Variants in ZNF571 observed in about 807,000 individuals in gnomAD.
The protein encoded by ZNF571 is zinc finger protein 571.
ZNF571 carries 4 observed loss-of-function variants against 7.7 expected under a neutral mutation model. That is an observed-to-expected ratio of 0.52 (90% CI 0.25 to 1.18). The LOEUF (loss-of-function observed/expected upper bound fraction) is 1.18. ZNF571 is among the 50% of genes most tolerant of loss of function. The probability of loss-of-function intolerance (pLI) is 0.14; values close to 1 mark genes in which losing one functional copy is unlikely to be tolerated. For missense variants in ZNF571, 704 were observed against 726.9 expected, an observed-to-expected ratio of 0.97 and a Z score of 0.36; for synonymous variants, 251 against 232.4, an observed-to-expected ratio of 1.08 and a Z score of -0.73.
chr19:37,565,333 A>G lies in ZNF571; in HGVS notation c.1095T>C (p.Cys365=). The change falls in exon 4 of 4, where the codon TGT becomes TGC. Residue 365 remains cysteine, a synonymous_variant. Transcript: ENST00000451802. Reference sequence around the variant, plus strand: ...GAAAAAAGGTCTTCCCGCATTCTTTACATTCATAGGGTTTCTCTCCTGTAT... The same window carrying G: ...GAAAAAAGGTCTTCCCGCATTCTTTGCATTCATAGGGTTTCTCTCCTGTAT... ...RIHTGEKPYE[C]KECGKTFFRG... The G allele has an allele frequency of 6.2e-7, 1 of 1,612,830 alleles. No individual in the cohort carries two copies. The highest frequency in any genetic ancestry group is 8.5e-7 in the Non-Finnish European group (1 of 1,179,474).
chr19:37,571,032 C>G (rs911135881), intron 3 of ZNF571, among the ~76,000 whole-genome samples: 1 of 152,116 alleles, frequency 6.6e-6, no homozygotes, highest in Admixed American at 6.5e-5. Flanking sequence ...ATAATTATAA[C>G]AAATTCTATT....
chr19:37,577,906 G>GT (rs889501404), intron 3 of ZNF571, among the ~76,000 whole-genome samples: 5 of 152,196 alleles, frequency 3.3e-5, no homozygotes, highest in African/African-American at 1.2e-4. Flanking sequence ...AGACCGTACT[G>GT]TTTGGCAGCC....
intron 3 of ZNF571, among the ~76,000 whole-genome samples, chr19:37,574,426 ATTT>A (rs899396780): frequency 6.6e-6 from 1 of 152,110 alleles, no homozygotes; most frequent in African/African-American, 2.4e-5. Flanking sequence ...TTTTCACTAA[ATTT>A]TTTTATCTCC....
intron 3 of ZNF571, among the ~76,000 whole-genome samples, chr19:37,570,862 C>T (rs564777644): frequency 1.0e-3 from 153 of 152,180 alleles, no homozygotes; most frequent in African/African-American, 3.5e-3. Context: ...TTTATATCCT[C>T]CATCTTTGAT....
chr19:37,586,626 C>G (rs1568358498), intron 2 of ZNF571, 42 bp downstream of exon 2: 6 of 1,612,704 alleles, frequency 3.7e-6, no homozygotes, highest in Non-Finnish European at 5.1e-6. Context: ...CATTACACAA[C>G]AAAATGATTG....
intron 3 of ZNF571, among the ~76,000 whole-genome samples, chr19:37,581,525 G>A (rs2043464516): frequency 6.6e-6 from 1 of 150,670 alleles, no homozygotes; most frequent in African/African-American, 2.4e-5. Flanking sequence ...AAATGCAGTG[G>A]CGTGATCATG....
intron 1 of ZNF571, among the ~76,000 whole-genome samples, chr19:37,589,761 G>C (rs2043807980): frequency 6.7e-6 from 1 of 149,604 alleles, no homozygotes; most frequent in Admixed American, 6.8e-5. Flanking sequence ...AGCTACTTGG[G>C]AGGCTGAGGC....
intron 1 of ZNF571, among the ~76,000 whole-genome samples, chr19:37,590,689 T>C (rs1257219865): frequency 6.6e-6 from 1 of 152,146 alleles, no homozygotes; most frequent in East Asian, 1.9e-4. Flanking sequence ...AACTGGTAAA[T>C]ATGTAAGGAC....
intron 3 of ZNF571, 44 bp from the exon 4 acceptor site, chr19:37,566,335 G>C: frequency 6.5e-7 from 1 of 1,545,990 alleles, no homozygotes; most frequent in Non-Finnish European, 8.7e-7. Flanking sequence ...TGTTTACAAG[G>C]AGAAATAAAA....
intron 3 of ZNF571, 143 bp downstream of exon 3, chr19:37,583,828 T>C: frequency 1.3e-6 from 1 of 774,522 alleles, no homozygotes; most frequent in Non-Finnish European, 2.1e-6. Flanking sequence ...GGATAAGAGA[T>C]AAAAAGGTAC....
chr19:37,583,423 G>C (rs1018762884), intron 3 of ZNF571: 5 of 152,300 alleles, frequency 3.3e-5, no homozygotes, highest in African/African-American at 1.2e-4. Context: ...ATGGGAGTTG[G>C]GAGGGAGGTT....
intron 3 of ZNF571, 36 bp downstream of exon 3, chr19:37,583,935 G>C (rs1317971831): frequency 6.4e-7 from 1 of 1,551,618 alleles, no homozygotes; most frequent in Non-Finnish European, 8.7e-7. Context: ...GAAATTATGG[G>C]GAACAAATTC....
intron 2 of ZNF571, 180 bp downstream of exon 2, chr19:37,586,488 A>G (rs1265602083): frequency 3.0e-6 from 2 of 657,732 alleles, no homozygotes; most frequent in East Asian, 5.4e-5. Flanking sequence ...AACTGTTTGG[A>G]GAGGGGAAAA....
chr19:37,589,718 T>C (rs2043806488), intron 1 of ZNF571, among the ~76,000 whole-genome samples: 1 of 151,584 alleles, frequency 6.6e-6, no homozygotes, highest in South Asian at 2.1e-4. Flanking sequence ...ATGCAAAAAT[T>C]AGCCAGGCGT....
chr19:37,576,337 G>C (rs2043241785), intron 3 of ZNF571, among the ~76,000 whole-genome samples: 1 of 151,984 alleles, frequency 6.6e-6, no homozygotes, highest in South Asian at 2.1e-4. Flanking sequence ...GTTTGGTCCT[G>C]GCCTCTTTAT....
At chr19:37,577,358 A>G (rs113712920) in intron 3 of ZNF571, among the ~76,000 whole-genome samples, 3,490 of 152,292 alleles carry the variant, frequency 0.023, 52 homozygotes, top group Non-Finnish European at 0.033. Flanking sequence ...TGATTTGACC[A>G]CTTTGAACCA....
At chr19:37,586,829 C>T (rs762122132) in intron 1 of ZNF571, 84 bp from the exon 2 acceptor site, 3 of 798,080 alleles carry the variant, frequency 3.8e-6, no homozygotes, top group Non-Finnish European at 6.0e-6. Flanking sequence ...TACTTCTCCT[C>T]TTTTGGGAAT....
chr19:37,580,025 T>A (rs1268643114), intron 3 of ZNF571, among the ~76,000 whole-genome samples: 2 of 152,348 alleles, frequency 1.3e-5, no homozygotes, highest in East Asian at 3.9e-4. Flanking sequence ...ATTTAGCTCA[T>A]AAGCTTTATC....
At chr19:37,590,324 G>C (rs891181418) in intron 1 of ZNF571, among the ~76,000 whole-genome samples, 11 of 151,996 alleles carry the variant, frequency 7.2e-5, no homozygotes, top group African/African-American at 2.4e-4. Flanking sequence ...GGCTGAGGCA[G>C]GAGAACGGCG....
Sources: allele counts gnomAD v4.1 joint callset (sites outside exome capture counted in the v4.1 genomes callset), GRCh38; gene constraint gnomAD v4.1.1; transcripts MANE v1.5; gene names NCBI Gene and HGNC (gene_info 2026-07-23, HGNC 2026-07-21).